Variants in FRS3 observed in about 807,000 individuals in gnomAD.
FRS3 encodes the protein fibroblast growth factor receptor substrate 3, also known as FGFR substrate 3.
A neutral mutation model predicts 41.9 loss-of-function variants in FRS3; 17 were observed. The observed-to-expected ratio is 0.41, with a 90% CI of 0.28 to 0.61. The LOEUF (loss-of-function observed/expected upper bound fraction) is 0.61, where lower values mean the gene tolerates loss of function less well. FRS3 is among the 20% of genes least tolerant of loss of function. The pLI is 0.36. For synonymous variants in FRS3, 287 were observed against 274.5 expected (o/e 1.05, Z -0.45); for missense variants, 619 against 672.1 (o/e 0.92, Z 0.87).
At position 41,770,317 on chromosome 6, in the gene FRS3, G is replaced by A. The variant is rs1196646237; in HGVS notation, c.*302C>T. On this transcript the variant is annotated 3_prime_UTR_variant, in exon 7 of 7. Transcript: ENST00000373018. ...CCAAAAAAAACACACACGGACAGTC[G>A]GCAGACAAGACAAATGGACAGAACG... 2 of 385,916 alleles carry A rather than the reference G, an allele frequency of 5.2e-6. No individual in the cohort carries two copies. Among genetic ancestry groups the A allele is most frequent in the South Asian group, 6.9e-5 (1 of 14,394 alleles). The allele number at this position is 385,916 out of a possible 1,614,324, so 23.9% of individuals were successfully genotyped here.
At chr6:41,773,733 G>A (rs1486784363) in intron 4 of FRS3, among the ~76,000 whole-genome samples, 9 of 151,526 alleles carry the variant, frequency 5.9e-5, no homozygotes, top group Admixed American at 1.3e-4. Context: ...TTAGCCAGGC[G>A]TGGTGGTGAG....
chr6:41,773,867 G>A (rs1392260536), intron 4 of FRS3, among the ~76,000 whole-genome samples: 1 of 150,546 alleles, frequency 6.6e-6, no homozygotes, highest in Non-Finnish European at 1.5e-5. Flanking sequence ...GCGAGACTCT[G>A]TCTCAAAAAA....
chr6:41,771,420 A>T lies in FRS3; in HGVS notation c.678T>A (p.Pro226=), dbSNP rs912190094. The part of the protein sequence containing the change: ...QAPFLPQARG[P]DQRDPQVFLQ... ...AGAACACCTGTGGGTCCCGTTGGTC[A>T]GGTCCCCGGGCCTGCGGGAGGAAGG... Residue 226 remains proline, a synonymous_variant, in exon 7 of 7, where the codon CCT becomes CCA. Coordinates refer to ENST00000373018, the MANE Select transcript of FRS3 (RefSeq NM_006653.5). 6.2e-7 allele frequency: 1 copy of T among 1,613,176 alleles called. No homozygotes were observed. Among genetic ancestry groups the T allele is most frequent in the Admixed American group, 1.7e-5 (1 of 59,934 alleles).
In FRS3 at chr6:41,771,597, A is replaced by C; in HGVS notation, c.565-64T>G. 12 of 1,348,158 alleles carry C rather than the reference A, an allele frequency of 8.9e-6. No homozygotes were observed. In the South Asian group the frequency reaches 1.7e-4, roughly 19 times the overall value. The allele number at this position is 1,348,158 out of a possible 1,614,324, so 83.5% of individuals were successfully genotyped here. ...GCAGGGAGAAAAGAGAACAGAAGGG[A>C]CAGGATGAGAGAAAAGAAGCACACA... On this transcript the variant is annotated intron_variant, in intron 6 of 6. Coordinates refer to ENST00000373018, the MANE Select transcript of FRS3 (RefSeq NM_006653.5).
chr6:41,779,878 C>T lies in FRS3; in HGVS notation c.-230G>A, dbSNP rs1360456033. ...CGGGTCCCGCTGCAGCAGCCGCCGC[C>T]CGCCCGGAGCTAAGGCCTCCCCGCC... On this transcript the variant is annotated 5_prime_UTR_variant, in exon 1 of 7. Coordinates refer to ENST00000373018, the MANE Select transcript of FRS3 (RefSeq NM_006653.5). 6.7e-6 allele frequency: 1 copy of T among 149,182 alleles called. No homozygotes were observed. Among genetic ancestry groups the T allele is most frequent in the Admixed American group, 6.7e-5 (1 of 15,016 alleles). The allele number at this position is 149,182 out of a possible 1,614,324, so 9.2% of individuals were successfully genotyped here. A position where few individuals can be genotyped will look rare whatever the true frequency, so the allele number is the denominator to read the frequency against.
chr6:41,777,079 G>T, intron 2 of FRS3, 69 bp from the exon 3 acceptor site: 1 of 1,092,306 alleles, frequency 9.2e-7, no homozygotes, highest in Non-Finnish European at 1.4e-6. Flanking sequence ...TGGGGAACTT[G>T]GGCAGAAGCA....
At chr6:41,772,743 GGCGT>G (rs1211072901) in intron 5 of FRS3, 51 bp downstream of exon 5, 9 of 1,319,468 alleles carry the variant, frequency 6.8e-6, no homozygotes, top group South Asian at 6.7e-5. Context: ...GTGCTTCCTG[GGCGT>G]GTGTGTGTGT....
intron 2 of FRS3, chr6:41,777,745 C>A: frequency 6.6e-6 from 1 of 152,120 alleles, no homozygotes; most frequent in East Asian, 1.9e-4. Flanking sequence ...TCTTCCCCTC[C>A]AGGATTCCAG....
Position 41,772,778 on chromosome 6 carries a change from G to GTGTGTGTGTA in FRS3, c.415+19_415+20insTACACACACA. The GTGTGTGTGTA allele has an allele frequency of 1.3e-6, 2 of 1,588,284 alleles. No individual in the cohort carries two copies. The highest frequency in any genetic ancestry group is 1.7e-6 in the Non-Finnish European group (2 of 1,168,624). On this transcript the variant is annotated intron_variant, in intron 5 of 6. Coordinates refer to ENST00000373018, the MANE Select transcript of FRS3 (RefSeq NM_006653.5). ...TGTGTGTGTGTGTGTGTGTGTGTGTGTACACTGGGGTCTCCTCACCATTGG... is the reference window on the plus strand; with the variant it reads ...TGTGTGTGTGTGTGTGTGTGTGTGTGTGTGTGTGTATACACTGGGGTCTCCTCACCATTGG...
In FRS3 at chr6:41,772,248, C is replaced by T. The variant is rs116026951; in HGVS notation, c.416-284G>A. ...AAAGCACATCTTGCTGTCACTGGAC[C>T]GTCCCTTTGCTTCATTCTAGGTCTG... On this transcript the variant is annotated intron_variant, in intron 5 of 6. Coordinates refer to ENST00000373018, the MANE Select transcript of FRS3 (RefSeq NM_006653.5). Among the ~76,000 whole-genome samples the T allele has an allele frequency of 5.8e-3, 876 of 152,282 alleles. 11 individuals are homozygous for T. The highest frequency in any genetic ancestry group is 0.02 in the African/African-American group (845 of 41,558).
chr6:41,771,561 A>G (rs751103525), intron 6 of FRS3, 28 bp from the exon 7 acceptor site: 2 of 1,491,898 alleles, frequency 1.3e-6, no homozygotes, highest in Non-Finnish European at 1.8e-6. Context: ...GTGAGGCAGG[A>G]GTGTCCCAGG....
At chr6:41,779,354 G>A (rs1205319928) in intron 1 of FRS3, among the ~76,000 whole-genome samples, 1 of 151,378 alleles carries the variant, frequency 6.6e-6, no homozygotes, top group African/African-American at 2.5e-5. Context: ...GGGGAAACAT[G>A]AGCAAGAATT....
chr6:41,775,918 C>A (rs1772401523), intron 3 of FRS3, among the ~76,000 whole-genome samples: 1 of 152,166 alleles, frequency 6.6e-6, no homozygotes, highest in South Asian at 2.1e-4. Flanking sequence ...ACAGCCCATG[C>A]CTTAGTATCC....
chr6:41,774,231 G>A (rs890469504), intron 4 of FRS3, among the ~76,000 whole-genome samples: 1 of 152,102 alleles, frequency 6.6e-6, no homozygotes, highest in African/African-American at 2.4e-5. Flanking sequence ...TTACAGGTGT[G>A]AGCCACTGAG....
Position 41,775,408 on chromosome 6 carries a change from C to G in FRS3, c.253+11G>C. 6.2e-7 allele frequency: 1 copy of G among 1,604,788 alleles called. No homozygotes were observed. The highest frequency in any genetic ancestry group is 8.5e-7 in the Non-Finnish European group (1 of 1,176,752). On this transcript the variant is annotated intron_variant, in intron 4 of 6. Transcript: ENST00000373018. ...CCCCTATCCCAGGGTGGAGCAGGGCCTGGTACTCACCCTGGCCTGTCTGAC... is the reference window on the plus strand; with the variant it reads ...CCCCTATCCCAGGGTGGAGCAGGGCGTGGTACTCACCCTGGCCTGTCTGAC...
At chr6:41,771,994 G>A (rs928211792) in intron 5 of FRS3, 30 bp from the exon 6 acceptor site, 8 of 1,496,760 alleles carry the variant, frequency 5.3e-6, no homozygotes, top group Non-Finnish European at 5.4e-6. Flanking sequence ...GCCCAGGAGA[G>A]GGGAACTTAA....
chr6:41,776,853 C>T, intron 3 of FRS3, 69 bp downstream of exon 3: 1 of 1,261,808 alleles, frequency 7.9e-7, no homozygotes. Flanking sequence ...GCTGAGGCAA[C>T]TCCATTAAAT....
intron 1 of FRS3, among the ~76,000 whole-genome samples, chr6:41,778,974 C>A (rs1266038390): frequency 6.6e-6 from 1 of 152,182 alleles, no homozygotes; most frequent in South Asian, 2.1e-4. Context: ...TTGCACCCTG[C>A]ATCCTTGGAC....
intron 2 of FRS3, 127 bp downstream of exon 2, chr6:41,777,906 G>C (rs1772443575): frequency 6.6e-6 from 1 of 152,608 alleles, no homozygotes; most frequent in Admixed American, 6.5e-5. Context: ...AAATAAGTCT[G>C]TAGGATTGGC....
Sources: gnomAD v4.1 joint callset for allele counts (sites outside exome capture counted in the v4.1 genomes callset) on GRCh38, gnomAD v4.1.1 for gene constraint, MANE v1.5 for transcripts, NCBI Gene and HGNC (gene_info 2026-07-23, HGNC 2026-07-21) for gene names.